The following SLC24A2 variants were observed in gnomAD, a reference collection of about 807,000 sequenced individuals.
The protein encoded by SLC24A2 is sodium/potassium/calcium exchanger 2.
Under a neutral mutation model 62.0 loss-of-function variants are expected in SLC24A2, and 36 were observed. That is an observed-to-expected ratio of 0.58 (90% CI 0.44 to 0.77). SLC24A2 has a LOEUF of 0.77. Ranked by LOEUF, SLC24A2 falls within the 30% of genes least tolerant of loss-of-function variation. The probability of loss-of-function intolerance (pLI) is 0.00; values close to 1 mark genes in which losing one functional copy is unlikely to be tolerated. For missense variants in SLC24A2, 846 were observed against 817.9 expected (o/e 1.03, Z -0.42); for synonymous variants, 358 against 294.0 (o/e 1.22, Z -2.23).
chr9:19,819,378 C>T, the SLC24A2 span, among the ~76,000 whole-genome samples: 9 of 152,024 alleles, frequency 5.9e-5, no homozygotes, highest in Non-Finnish European at 1.2e-4. Context: ...AGCTTTTGCA[C>T]GGCAAAGGGA....
At chr9:19,767,265 G>A (rs1487225817) in intron 2 of SLC24A2, among the ~76,000 whole-genome samples, 1 of 152,192 alleles carries the variant, frequency 6.6e-6, no homozygotes, top group African/African-American at 2.4e-5. Flanking sequence ...TAGACCACTT[G>A]GCTCCCTGGC....
chr9:20,307,699 T>C, the SLC24A2 span, among the ~76,000 whole-genome samples: 2 of 152,130 alleles, frequency 1.3e-5, no homozygotes, highest in African/African-American at 4.8e-5. Flanking sequence ...CCTTTGTTGG[T>C]CTTCAGCCAA....
the SLC24A2 span, among the ~76,000 whole-genome samples, chr9:20,287,851 G>A: frequency 6.6e-6 from 1 of 152,092 alleles, no homozygotes; most frequent in Non-Finnish European, 1.5e-5. Flanking sequence ...CTTAGTCCAG[G>A]TCAAACTCCC....
intron 2 of SLC24A2, among the ~76,000 whole-genome samples, chr9:19,752,323 C>A (rs1023463354): frequency 5.3e-5 from 8 of 152,008 alleles, no homozygotes; most frequent in African/African-American, 1.9e-4. Flanking sequence ...CATGGGGCAA[C>A]AATGTGGGCT....
chr9:20,101,824 A>T, the SLC24A2 span, among the ~76,000 whole-genome samples: 1 of 152,198 alleles, frequency 6.6e-6, no homozygotes, highest in African/African-American at 2.4e-5. Flanking sequence ...GGAGGGTACC[A>T]GTATAAAGAA....
the SLC24A2 span, among the ~76,000 whole-genome samples, chr9:19,934,612 C>T: frequency 6.6e-6 from 1 of 152,228 alleles, no homozygotes; most frequent in Admixed American, 6.5e-5. This position sits in a 1 kb window ranked among gnomAD's most constrained non-coding sequence, Gnocchi z 4.1. Flanking sequence ...AACAGGCAGC[C>T]AGCACCTCCT....
At chr9:19,563,999 G>A (rs1227527773) in intron 7 of SLC24A2, among the ~76,000 whole-genome samples, 2 of 151,778 alleles carry the variant, frequency 1.3e-5, no homozygotes, top group Non-Finnish European at 2.9e-5. Flanking sequence ...AACCACAGGT[G>A]CACACCACCA....
intron 2 of SLC24A2, among the ~76,000 whole-genome samples, chr9:19,737,306 A>G (rs796656185): frequency 5.3e-5 from 8 of 152,360 alleles, no homozygotes; most frequent in African/African-American, 1.9e-4. Flanking sequence ...TGGTAACAAA[A>G]TAAAATTATG....
chr9:19,893,186 AG>A, the SLC24A2 span, among the ~76,000 whole-genome samples: 2 of 152,170 alleles, frequency 1.3e-5, no homozygotes, highest in African/African-American at 4.8e-5. Context: ...GTATTATCTT[AG>A]GGTAGGATAA....
chr9:19,899,907 C>A, the SLC24A2 span, among the ~76,000 whole-genome samples: 5 of 152,200 alleles, frequency 3.3e-5, no homozygotes, highest in South Asian at 8.3e-4. Context: ...AGGTCACTCC[C>A]ACAACACATG....
the SLC24A2 span, among the ~76,000 whole-genome samples, chr9:19,953,533 CG>C: frequency 2.6e-5 from 4 of 151,886 alleles, no homozygotes; most frequent in Non-Finnish European, 5.9e-5. Context: ...TATTCTCAGA[CG>C]TTTTTATGTT....
chr9:20,180,736 A>G, the SLC24A2 span, among the ~76,000 whole-genome samples: 82 of 152,348 alleles, frequency 5.4e-4, no homozygotes, highest in Middle Eastern at 3.4e-3. Context: ...CAAGGGAAAC[A>G]CACAAACCTC....
At chr9:19,812,866 G>C in the SLC24A2 span, among the ~76,000 whole-genome samples, 1 of 152,042 alleles carries the variant, frequency 6.6e-6, no homozygotes, top group East Asian at 1.9e-4. Flanking sequence ...GCCTACTTCC[G>C]TTATTCTTTG....
At chr9:19,528,210 A>C in intron 8 of SLC24A2, 72 bp from the exon 9 acceptor site, 4 of 1,016,120 alleles carry the variant, frequency 3.9e-6, no homozygotes, top group Non-Finnish European at 6.1e-6. Flanking sequence ...TCCAAAGCTA[A>C]AGCCACCATT....
the SLC24A2 span, among the ~76,000 whole-genome samples, chr9:19,829,830 C>T: frequency 1.4e-5 from 2 of 142,346 alleles, no homozygotes; most frequent in African/African-American, 2.6e-5. Flanking sequence ...CACACACACA[C>T]ACACACACAC....
chr9:19,557,465 G>C (rs748884322), intron 7 of SLC24A2, among the ~76,000 whole-genome samples: 2 of 152,190 alleles, frequency 1.3e-5, no homozygotes, highest in Non-Finnish European at 2.9e-5. Context: ...TAATACAAGG[G>C]AGTTTATCTG....
the SLC24A2 span, among the ~76,000 whole-genome samples, chr9:19,944,441 T>TAAAAAAAAAAAAAAAAAAAAAAAA: frequency 1.3e-5 from 1 of 78,524 alleles, no homozygotes. Context: ...AAAGTAGTAG[T>TAAAAAAAAAAAAAAAAAAAAAAAA]AAAAAAAAAA....
chr9:20,186,393 C>G, the SLC24A2 span, among the ~76,000 whole-genome samples: 1 of 152,192 alleles, frequency 6.6e-6, no homozygotes, highest in South Asian at 2.1e-4. Flanking sequence ...TACTTACTGT[C>G]TGGCTTACCT....
the SLC24A2 span, among the ~76,000 whole-genome samples, chr9:20,276,389 G>A: frequency 1.3e-5 from 2 of 152,180 alleles, no homozygotes; most frequent in South Asian, 2.1e-4. Flanking sequence ...TCCATGTCTC[G>A]CATCTTGGTC....
Sources: gnomAD v4.1 joint callset for allele counts (sites outside exome capture counted in the v4.1 genomes callset) on GRCh38, gnomAD v4.1.1 for gene constraint, Gnocchi (gnomAD v3.1) non-coding constraint, MANE v1.5 for transcripts, NCBI Gene and HGNC (gene_info 2026-07-23, HGNC 2026-07-21) for gene names.